SLC4A4: variants seen among roughly 807,000 people sequenced by gnomAD.
SLC4A4 encodes the protein electrogenic sodium bicarbonate cotransporter 1.
Under a neutral mutation model 111.5 loss-of-function variants are expected in SLC4A4, and 27 were observed. The ratio of observed to expected loss-of-function variants is 0.24; its 90% CI spans 0.18 to 0.33. The LOEUF is 0.33. SLC4A4 is among the 10% of genes least tolerant of loss of function. SLC4A4 has a pLI of 1.00. For synonymous variants in SLC4A4, 443 were observed against 463.4 expected (o/e 0.96, Z 0.57); for missense variants, 909 against 1,315.5 (o/e 0.69, Z 4.78).
chr4:71,217,886 T>C (rs765504685), intron 1 of SLC4A4, among the ~76,000 whole-genome samples: 1 of 152,212 alleles, frequency 6.6e-6, no homozygotes, highest in Non-Finnish European at 1.5e-5. Context: ...CAGTCTGACA[T>C]GCACTGCTTT....
At chr4:71,107,636 A>G (rs1453383815) in intron 2 of SLC4A4, among the ~76,000 whole-genome samples, 1 of 151,950 alleles carries the variant, frequency 6.6e-6, no homozygotes, top group Non-Finnish European at 1.5e-5. Flanking sequence ...GACAAAAGAC[A>G]CTGCACCCGG....
At chr4:71,331,901 T>C (rs186598794) in intron 3 of SLC4A4, among the ~76,000 whole-genome samples, 226 of 152,330 alleles carry the variant, frequency 1.5e-3, no homozygotes, top group Non-Finnish European at 2.4e-3. Context: ...CTTGGTTCAA[T>C]CTTGGTAAGT....
At chr4:71,100,607 C>T (rs72858467) in intron 2 of SLC4A4, among the ~76,000 whole-genome samples, 4,262 of 152,100 alleles carry the variant, frequency 0.028, 221 homozygotes, top group African/African-American at 0.099. Context: ...AGCAGTCAGA[C>T]AAGAGAAAGA....
intron 12 of SLC4A4, among the ~76,000 whole-genome samples, chr4:71,457,804 C>G (rs1245405259): frequency 6.6e-6 from 1 of 152,080 alleles, no homozygotes; most frequent in Non-Finnish European, 1.5e-5. Context: ...CCAGGACCCC[C>G]TTTCCTCCCA....
intron 2 of SLC4A4, among the ~76,000 whole-genome samples, chr4:71,112,000 A>C (rs1313274542): frequency 6.6e-6 from 1 of 152,132 alleles, no homozygotes; most frequent in Non-Finnish European, 1.5e-5. Context: ...CTTGGCCTTA[A>C]ATTTCTTAAT....
chr4:71,388,325 A>T (rs949844362), intron 6 of SLC4A4, among the ~76,000 whole-genome samples: 1 of 152,142 alleles, frequency 6.6e-6, no homozygotes, highest in African/African-American at 2.4e-5. Flanking sequence ...GAGAAAGAGA[A>T]CTACAATCAC....
At chr4:71,116,171 G>A (rs1166618953) in intron 2 of SLC4A4, among the ~76,000 whole-genome samples, 2 of 152,178 alleles carry the variant, frequency 1.3e-5, no homozygotes, top group African/African-American at 4.8e-5. Flanking sequence ...TGGGATTATA[G>A]GTGTGGGCCA....
In SLC4A4 at chr4:71,440,780, T is replaced by A. The variant is rs764539301; in HGVS notation, c.965+7T>A. On this transcript the variant is annotated splice_region_variant and intron_variant, in intron 8 of 25. Transcript: ENST00000264485. ...AAGTTCCTGTGCCCACAAGGTAAGC[T>A]GCTCTCCTACCTGGGGTCTACAATG... 6.2e-7 allele frequency: 1 copy of A among 1,613,958 alleles called. No homozygotes were observed.
chr4:71,417,326 A>G (rs899916319), intron 7 of SLC4A4, among the ~76,000 whole-genome samples: 1 of 152,150 alleles, frequency 6.6e-6, no homozygotes, highest in African/African-American at 2.4e-5. Flanking sequence ...GGCTAGGGAA[A>G]GTCAGGGAAG....
intron 1 of SLC4A4, among the ~76,000 whole-genome samples, chr4:71,199,246 A>G (rs1291431172): frequency 6.6e-6 from 1 of 152,170 alleles, no homozygotes; most frequent in East Asian, 1.9e-4. Context: ...CTTGACCTTG[A>G]CTGGAAGGCA....
chr4:71,122,336 A>T (rs1655246385), intron 2 of SLC4A4, among the ~76,000 whole-genome samples: 1 of 145,698 alleles, frequency 6.9e-6, no homozygotes, highest in Admixed American at 6.8e-5. Context: ...AAAAAAAAAA[A>T]TTGATCTGAC....
intron 7 of SLC4A4, among the ~76,000 whole-genome samples, chr4:71,421,246 T>G (rs1330776271): frequency 3.9e-5 from 6 of 152,170 alleles, no homozygotes; most frequent in African/African-American, 1.4e-4. Flanking sequence ...AGAAGGCCAT[T>G]ACATAATGTT....
chr4:71,109,116 A>G (rs1299670227), intron 2 of SLC4A4, among the ~76,000 whole-genome samples: 1 of 151,966 alleles, frequency 6.6e-6, no homozygotes, highest in Non-Finnish European at 1.5e-5. Flanking sequence ...TGAAAATCAG[A>G]TTCTCCTCTT....
intron 12 of SLC4A4, among the ~76,000 whole-genome samples, chr4:71,456,902 A>G (rs1726323213): frequency 6.6e-6 from 1 of 152,190 alleles, no homozygotes; most frequent in African/African-American, 2.4e-5. Context: ...AATAATCTGC[A>G]GTTATGTCAC....
At chr4:71,139,304 A>C (rs1006370328) in intron 2 of SLC4A4, among the ~76,000 whole-genome samples, 1 of 151,394 alleles carries the variant, frequency 6.6e-6, no homozygotes, top group African/African-American at 2.4e-5. Flanking sequence ...TGAGGCTGAA[A>C]TCCTCCACTT....
chr4:71,494,491 A>T lies in SLC4A4; in HGVS notation c.1975-3010A>T, dbSNP rs150574584. On this transcript the variant is annotated intron_variant, in intron 15 of 25. Coordinates refer to ENST00000264485, the MANE Select transcript of SLC4A4 (RefSeq NM_001098484.3). ...ACTTAGCCTGGCTAATTAAAAAAAA[A>T]AATAATGGAGATGAGGTCTTGCTAT... Among the ~76,000 whole-genome samples the T allele has an allele frequency of 9.4e-4, 142 of 151,632 alleles. 1 individual carries two copies. The highest frequency in any genetic ancestry group is 3.0e-3 in the African/African-American group (126 of 41,336).
chr4:71,513,199 C>T (rs1431546174), intron 16 of SLC4A4, among the ~76,000 whole-genome samples: 1 of 151,842 alleles, frequency 6.6e-6, no homozygotes, highest in African/African-American at 2.4e-5. Context: ...TGAAACAGAT[C>T]GCATTGAATC....
At chr4:71,243,293 G>A (rs529508086) in intron 2 of SLC4A4, among the ~76,000 whole-genome samples, 2 of 152,166 alleles carry the variant, frequency 1.3e-5, no homozygotes, top group South Asian at 2.1e-4. Context: ...GCTTCCTACT[G>A]GCCATTATGT....
intron 3 of SLC4A4, among the ~76,000 whole-genome samples, chr4:71,275,608 C>CTT (rs1446428719): frequency 7.2e-5 from 11 of 152,182 alleles, no homozygotes; most frequent in African/African-American, 2.4e-4. Flanking sequence ...ATAGTAGTAT[C>CTT]TTTTAGCAGG....
Sources: gnomAD v4.1 joint callset for allele counts (sites outside exome capture counted in the v4.1 genomes callset) on GRCh38, gnomAD v4.1.1 for gene constraint, MANE v1.5 for transcripts, NCBI Gene and HGNC (gene_info 2026-07-23, HGNC 2026-07-21) for gene names.